WDR49: variants seen among roughly 807,000 people sequenced by gnomAD.
WDR49 encodes cilia- and flagella-associated protein 337.
In WDR49, 107 loss-of-function variants were observed where a neutral mutation model predicts 119.5. The observed-to-expected ratio is 0.90, with a 90% confidence interval of 0.77 to 1.05. The LOEUF (loss-of-function observed/expected upper bound fraction) is 1.05, where lower values mean the gene tolerates loss of function less well. WDR49 is among the 50% of genes least tolerant of loss of function. WDR49 has a pLI of 0.00. For synonymous variants in WDR49, 425 were observed against 418.8 expected, an observed-to-expected ratio of 1.01 and a Z score of -0.18; for missense variants, 1,240 against 1,220.5, an observed-to-expected ratio of 1.02 and a Z score of -0.24.
chr3:167,527,786 A>C, intron 15 of WDR49, 34 bp downstream of exon 15: 1 of 1,589,714 alleles, frequency 6.3e-7, no homozygotes, highest in Non-Finnish European at 8.6e-7. Context: ...AATGTCAAGT[A>C]AATACTAGAA....
intron 16 of WDR49, among the ~76,000 whole-genome samples, chr3:167,507,768 TAGTC>T (rs1751829291): frequency 6.6e-6 from 1 of 152,184 alleles, no homozygotes; most frequent in African/African-American, 2.4e-5. Context: ...GGGAGAAAAG[TAGTC>T]AGACGGTAGG....
chr3:167,498,510 T>C (rs1325151338), intron 18 of WDR49, among the ~76,000 whole-genome samples: 1 of 151,744 alleles, frequency 6.6e-6, no homozygotes, highest in Non-Finnish European at 1.5e-5. Context: ...CTAAAGGAAA[T>C]GAATGAGTCC....
At chr3:167,511,208 CT>C (rs1751959101) in intron 16 of WDR49, among the ~76,000 whole-genome samples, 2 of 152,000 alleles carry the variant, frequency 1.3e-5, no homozygotes, top group Admixed American at 6.6e-5. Context: ...GTTTTTAACC[CT>C]TTTTTTATTA....
intron 6 of WDR49, among the ~76,000 whole-genome samples, chr3:167,603,731 G>T (rs756257375): frequency 1.3e-5 from 2 of 152,012 alleles, no homozygotes; most frequent in Non-Finnish European, 2.9e-5. Context: ...GCCTGAGAAA[G>T]GTTATATTTC....
intron 18 of WDR49, among the ~76,000 whole-genome samples, chr3:167,492,258 TA>T (rs914363077): frequency 6.6e-6 from 1 of 151,926 alleles, no homozygotes; most frequent in Non-Finnish European, 1.5e-5. Flanking sequence ...GGTAATACAG[TA>T]AAATGACTGG....
chr3:167,553,503 G>A (rs576826056), intron 10 of WDR49, among the ~76,000 whole-genome samples: 8 of 152,158 alleles, frequency 5.3e-5, no homozygotes, highest in South Asian at 2.1e-4. Flanking sequence ...AATAAATTAA[G>A]GAAATGGCAT....
chr3:167,622,871 C>T (rs1019121974), intron 3 of WDR49, among the ~76,000 whole-genome samples: 4 of 152,036 alleles, frequency 2.6e-5, no homozygotes, highest in African/African-American at 9.7e-5. Flanking sequence ...AAATTATATT[C>T]TCCAAACACA....
intron 5 of WDR49, among the ~76,000 whole-genome samples, chr3:167,615,318 T>C (rs1292846194): frequency 6.6e-6 from 1 of 152,074 alleles, no homozygotes; most frequent in Admixed American, 6.6e-5. Context: ...GTGTTTTTTA[T>C]AGAGACAGGG....
At chr3:167,605,844 A>C (rs1236329404) in intron 5 of WDR49, among the ~76,000 whole-genome samples, 1 of 152,192 alleles carries the variant, frequency 6.6e-6, no homozygotes, top group Non-Finnish European at 1.5e-5. Context: ...AAAGTCAGCA[A>C]GTAATTGTCA....
chr3:167,489,151 C>T (rs1374082811), intron 18 of WDR49, among the ~76,000 whole-genome samples: 1 of 152,082 alleles, frequency 6.6e-6, no homozygotes, highest in Non-Finnish European at 1.5e-5. Context: ...ATAAATTCAG[C>T]AGCAGTAGAC....
rs145463533 is a variant in WDR49 at position 167,487,424 on chromosome 3, T to C, written c.3032-8428A>G. On this transcript the variant is annotated intron_variant, in intron 18 of 18. Transcript: ENST00000682715. ...AATATAAGACCCCAAACTGGAAAAA[T>C]TCTGGAAGAAAATCTAGGATATACC... is the stretch of plus-strand genomic sequence containing the variant. 8.7e-4 allele frequency among the ~76,000 whole-genome samples: 132 copies of C among 152,072 alleles called. 1 individual carries two copies. In the East Asian group the frequency reaches 0.016, roughly 19 times the overall value.
intron 12 of WDR49, 121 bp downstream of exon 12, chr3:167,532,758 C>A: frequency 1.6e-6 from 1 of 637,520 alleles, no homozygotes; most frequent in Non-Finnish European, 2.7e-6. Context: ...ATCCTTAATC[C>A]TTCAGGCTTA....
At chr3:167,564,642 CT>C (rs767824452) in intron 8 of WDR49, among the ~76,000 whole-genome samples, 92 of 152,284 alleles carry the variant, frequency 6.0e-4, no homozygotes, top group African/African-American at 2.0e-3. Context: ...GAAAATGGTG[CT>C]AACAACCACA....
At chr3:167,589,435 C>G (rs1714993278) in intron 7 of WDR49, among the ~76,000 whole-genome samples, 1 of 152,068 alleles carries the variant, frequency 6.6e-6, no homozygotes, top group African/African-American at 2.4e-5. Flanking sequence ...TCTGTGATTC[C>G]ACATAAATTT....
Position 167,554,670 on chromosome 3 carries a change from G to T in WDR49, c.1803C>A (p.Ala601=). Residue 601 remains alanine, a synonymous_variant, in exon 10 of 19, where the codon GCC becomes GCA. Transcript: ENST00000682715. ...LVTGWERYDY[A]SWKTIGRAIT... The stretch of plus-strand genomic sequence containing the variant: ...TTTACCTTCCTATAGTTTTCCATGA[G>T]GCATAATCATACCTCTCCCAGCCTG... 1.3e-6 allele frequency: 2 copies of T among 1,565,380 alleles called. No homozygotes were observed. The highest frequency in any genetic ancestry group is 1.8e-6 in the Non-Finnish European group (2 of 1,141,140).
At chr3:167,624,312 A>C (rs1717017250) in intron 3 of WDR49, among the ~76,000 whole-genome samples, 2 of 151,690 alleles carry the variant, frequency 1.3e-5, no homozygotes, top group Admixed American at 6.6e-5. Context: ...ATACCTCAAA[A>C]CGTGGATAAT....
intron 16 of WDR49, among the ~76,000 whole-genome samples, chr3:167,509,994 G>A (rs1751906175): frequency 6.6e-6 from 1 of 152,098 alleles, no homozygotes; most frequent in Admixed American, 6.6e-5. Context: ...CCTAAAGCAA[G>A]GTCTTAAAAG....
chr3:167,522,328 C>A lies in WDR49; in HGVS notation c.2761G>T (p.Asp921Tyr). 1 of 1,584,980 alleles carries A rather than the reference C, an allele frequency of 6.3e-7. No homozygotes were observed. The highest frequency in any genetic ancestry group is 1.2e-5 in the South Asian group (1 of 85,182). ...AAAATTACTTACTTGTATGTTGAGT[C>A]ATCTTTGTTTTTCTTATTAAGTAGA... ...HSLLNKKNKD[D>Y]STYNVRPSED... The change falls in exon 16 of 19, where the codon GAC (aspartate) becomes TAC (tyrosine). Residue 921 changes from aspartate (D) to tyrosine (Y), a missense_variant. Transcript: ENST00000682715.
intron 10 of WDR49, among the ~76,000 whole-genome samples, chr3:167,542,614 A>G (rs1022989417): frequency 4.6e-5 from 7 of 152,150 alleles, no homozygotes; most frequent in Non-Finnish European, 1.0e-4. Flanking sequence ...CAACTTTTCA[A>G]AACCTCTGGG....
Sources: allele counts gnomAD v4.1 joint callset (sites outside exome capture counted in the v4.1 genomes callset), GRCh38; gene constraint gnomAD v4.1.1; transcripts MANE v1.5; gene names NCBI Gene and HGNC (gene_info 2026-07-23, HGNC 2026-07-21).